MYO3B: variants seen among roughly 807,000 people sequenced by gnomAD.
MYO3B encodes myosin-IIIb.
A neutral mutation model predicts 174.6 loss-of-function variants in MYO3B; 156 were observed. The observed-to-expected ratio is 0.89, with a 90% confidence interval of 0.78 to 1.02. The LOEUF (loss-of-function observed/expected upper bound fraction) is 1.02, where lower values mean the gene tolerates loss of function less well. MYO3B is among the 50% of genes least tolerant of loss of function. The pLI, the probability that MYO3B is intolerant of heterozygous loss-of-function variation, is 0.00. For missense variants in MYO3B, 1,632 were observed against 1,639.4 expected, an observed-to-expected ratio of 1.00 and a Z score of 0.08; for synonymous variants, 563 against 569.1, an observed-to-expected ratio of 0.99 and a Z score of 0.15.
intron 23 of MYO3B, among the ~76,000 whole-genome samples, chr2:170,449,941 A>G (rs914892083): frequency 6.6e-6 from 1 of 152,204 alleles, no homozygotes; most frequent in African/African-American, 2.4e-5. Context: ...CATTCAAGAG[A>G]ACCCATCAGA....
At chr2:170,551,567 A>T (rs1033648618) in intron 32 of MYO3B, among the ~76,000 whole-genome samples, 5 of 118,826 alleles carry the variant, frequency 4.2e-5, no homozygotes, top group Non-Finnish European at 7.0e-5. Flanking sequence ...AAAAAAAAAA[A>T]TCTAGGCAAG....
intron 32 of MYO3B, chr2:170,643,625 G>A (rs1296706263): frequency 6.6e-6 from 1 of 152,146 alleles, no homozygotes; most frequent in Non-Finnish European, 1.5e-5. Flanking sequence ...TTGCTTAAAG[G>A]GGATGTTTCA....
At chr2:170,453,406 A>T (rs1472468403) in intron 23 of MYO3B, among the ~76,000 whole-genome samples, 2 of 129,140 alleles carry the variant, frequency 1.5e-5, no homozygotes, top group Non-Finnish European at 3.3e-5. Context: ...GATGTTTACC[A>T]TTTACACACA....
intron 32 of MYO3B, among the ~76,000 whole-genome samples, chr2:170,599,362 C>T (rs1245027354): frequency 1.3e-5 from 2 of 152,212 alleles, no homozygotes; most frequent in Non-Finnish European, 2.9e-5. Context: ...AAATCTATTA[C>T]TCCCCAAGAT....
chr2:170,599,235 A>G (rs1489705744), intron 32 of MYO3B, among the ~76,000 whole-genome samples: 6 of 152,196 alleles, frequency 3.9e-5, no homozygotes, highest in Non-Finnish European at 8.8e-5. Context: ...AAAGCATAGA[A>G]TACTGTTCGT....
intron 32 of MYO3B, among the ~76,000 whole-genome samples, chr2:170,591,520 A>C (rs1006445701): frequency 1.5e-4 from 23 of 152,234 alleles, no homozygotes; most frequent in Non-Finnish European, 3.1e-4. Context: ...AAGGGTGGCT[A>C]ACACAGTCAT....
At chr2:170,266,549 ATAGAAATG>A (rs1488887518) in intron 7 of MYO3B, among the ~76,000 whole-genome samples, 1 of 152,200 alleles carries the variant, frequency 6.6e-6, no homozygotes, top group Non-Finnish European at 1.5e-5. Flanking sequence ...TGCTTTGCAT[ATAGAAATG>A]TGCTTATTAT....
chr2:170,219,544 T>A (rs2092869050), intron 6 of MYO3B, among the ~76,000 whole-genome samples: 1 of 151,892 alleles, frequency 6.6e-6, no homozygotes, highest in South Asian at 2.1e-4. Flanking sequence ...CTCTGGAGGT[T>A]GAGGCAGGAG....
intron 32 of MYO3B, chr2:170,601,955 A>C (rs1694536337): frequency 1.2e-6 from 1 of 837,760 alleles, no homozygotes; most frequent in East Asian, 2.4e-5. Flanking sequence ...GGTGCATTGG[A>C]ATCCTCGAAC....
At chr2:170,554,753 G>A (rs574095646) in intron 32 of MYO3B, among the ~76,000 whole-genome samples, 27 of 152,302 alleles carry the variant, frequency 1.8e-4, no homozygotes, top group South Asian at 1.2e-3. Context: ...AGGTTTTGGC[G>A]TTGGCCCAGG....
chr2:170,324,397 T>C (rs1272458416), intron 7 of MYO3B, among the ~76,000 whole-genome samples: 1 of 152,192 alleles, frequency 6.6e-6, no homozygotes, highest in East Asian at 1.9e-4. Flanking sequence ...ATGAGGAAAT[T>C]TCATGCCCAT....
intron 1 of MYO3B, among the ~76,000 whole-genome samples, chr2:170,181,913 T>C (rs1052404786): frequency 3.3e-5 from 5 of 152,170 alleles, no homozygotes; most frequent in African/African-American, 1.2e-4. Context: ...CTTCTAAAAA[T>C]CTTGACAGTG....
At chr2:170,379,520 G>C (rs2094320594) in intron 9 of MYO3B, among the ~76,000 whole-genome samples, 1 of 152,130 alleles carries the variant, frequency 6.6e-6, no homozygotes, top group Admixed American at 6.6e-5. Context: ...TTAACTTCAA[G>C]CAAAATTATT....
In MYO3B at chr2:170,501,854, A is replaced by C. The variant is rs540858959; in HGVS notation, c.3359A>C (p.His1120Pro). Residue 1120 changes from histidine to proline, a missense_variant, in exon 28 of 35, where the codon CAT becomes CCT. His to Pro is a moderately conservative substitution (Grantham distance 77, BLOSUM62 -2). Transcript: ENST00000408978. ...ISNRRNESAA[H>P]NQAGDTSNQS... ...AACAGAAGGAATGAGTCTGCTGCTC[A>C]TAATCAAGCAGGTAATTAAAACATC... 1 of 1,608,792 alleles carries C rather than the reference A, an allele frequency of 6.2e-7. No homozygotes were observed. Among genetic ancestry groups the C allele is most frequent in the South Asian group, 1.1e-5 (1 of 90,844 alleles).
At chr2:170,636,863 C>A (rs186606967) in intron 32 of MYO3B, among the ~76,000 whole-genome samples, 1 of 148,138 alleles carries the variant, frequency 6.8e-6, no homozygotes. Context: ...TATGAGCCTC[C>A]TGGAATATGT....
intron 32 of MYO3B, among the ~76,000 whole-genome samples, chr2:170,590,510 C>T (rs567965079): frequency 6.6e-6 from 1 of 152,170 alleles, no homozygotes; most frequent in South Asian, 2.1e-4. Context: ...ACCAAATGTA[C>T]CTCTTCTCAC....
intron 21 of MYO3B, among the ~76,000 whole-genome samples, chr2:170,407,470 A>T (rs1020214660): frequency 6.6e-6 from 1 of 150,690 alleles, no homozygotes; most frequent in Admixed American, 6.6e-5. Flanking sequence ...CAAGAAAGAA[A>T]AAAACAAAAC....
chr2:170,533,236 G>A (rs1031105736), intron 30 of MYO3B, among the ~76,000 whole-genome samples: 15 of 152,052 alleles, frequency 9.9e-5, no homozygotes, highest in African/African-American at 3.6e-4. Flanking sequence ...CTTTTCGTTT[G>A]TAAAAGTTTC....
chr2:170,218,524 G>A (rs2092855739), intron 6 of MYO3B, among the ~76,000 whole-genome samples: 1 of 152,200 alleles, frequency 6.6e-6, no homozygotes, highest in Non-Finnish European at 1.5e-5. Flanking sequence ...GTCCTTTGCA[G>A]TGTGCTTATG....
Sources: gnomAD v4.1 joint callset for allele counts (sites outside exome capture counted in the v4.1 genomes callset) on GRCh38, gnomAD v4.1.1 for gene constraint, MANE v1.5 for transcripts, NCBI Gene and HGNC (gene_info 2026-07-23, HGNC 2026-07-21) for gene names.